Variants in TMEM217 observed in about 807,000 individuals in gnomAD.
The protein encoded by TMEM217 is chromosome 6 open reading frame 128.
For synonymous variants in TMEM217, 76 were observed against 88.3 expected (o/e 0.86, Z 0.78); for missense variants, 204 against 248.8 (o/e 0.82, Z 1.21).
chr6:37,253,412 C>G (rs879435915), intron 1 of TMEM217, among the ~76,000 whole-genome samples: 7 of 152,206 alleles, frequency 4.6e-5, no homozygotes, highest in Admixed American at 1.3e-4. Context: ...CCTTCACCCC[C>G]CAAATTCTAA....
chr6:37,223,840 A>G (rs948908015), intron 1 of TMEM217, among the ~76,000 whole-genome samples: 1 of 151,710 alleles, frequency 6.6e-6, no homozygotes, highest in African/African-American at 2.4e-5. Context: ...ATTTATAGAG[A>G]TGGAGTCTTG....
intron 1 of TMEM217, among the ~76,000 whole-genome samples, chr6:37,242,933 C>T (rs1423903931): frequency 6.6e-6 from 1 of 151,920 alleles, no homozygotes; most frequent in Non-Finnish European, 1.5e-5. Context: ...CCAGAAAACC[C>T]CTAGCAGTCT....
rs755752365 is a variant in TMEM217, at chr6:37,226,281, C to CTTTTT, written c.-11-7245_-11-7241dup. ...TTTTATTTTGTTTTTTTGAGACAGT[C>CTTTTT]TTTTTTTTTTTTTTTTTTTTTTTTT... On this transcript the variant is annotated intron_variant, in intron 1 of 1. Transcript: ENST00000357219. 3.2e-4 allele frequency among the ~76,000 whole-genome samples: 24 copies of CTTTTT among 74,876 alleles called. 4 individuals carry two copies. Among genetic ancestry groups the CTTTTT allele is most frequent in the Admixed American group, 4.7e-4 (3 of 6,378 alleles). 49.1% of individuals were successfully genotyped at this position (74,876 alleles called of 152,430 possible). A position where few individuals can be genotyped will look rare whatever the true frequency, so the allele number is the denominator to read the frequency against.
chr6:37,218,491 T>A (rs769368345), exon 2 of TMEM217: 1 of 1,614,064 alleles, frequency 6.2e-7, no homozygotes, highest in South Asian at 1.1e-5. Context: ...TTGATAATCT[T>A]TTATTTCTGC....
chr6:37,252,370 AAG>A (rs1765445286), intron 1 of TMEM217, among the ~76,000 whole-genome samples: 1 of 152,046 alleles, frequency 6.6e-6, no homozygotes, highest in Non-Finnish European at 1.5e-5. Flanking sequence ...GAATAGCTGC[AAG>A]AGAGACCATA....
At chr6:37,217,674 C>T (rs1375378251) in exon 2 of TMEM217, 2 of 985,070 alleles carry the variant, frequency 2.0e-6, no homozygotes, top group Non-Finnish European at 2.4e-6. Flanking sequence ...TTTTTCTTAT[C>T]TGGAATAAAA....
chr6:37,215,276 G>A, downstream of TMEM217: 2 of 1,613,546 alleles, frequency 1.2e-6, no homozygotes, highest in Non-Finnish European at 1.7e-6. Context: ...ATATGCTAGT[G>A]TGGAAGCTAG....
chr6:37,212,669 AG>A (rs1481503375), downstream of TMEM217: 2 of 585,166 alleles, frequency 3.4e-6, no homozygotes, highest in Middle Eastern at 2.7e-4. Flanking sequence ...ACTATGGAGA[AG>A]TTGATGAGCT....
exon 1 of TMEM217, chr6:37,258,054 GCGCCACAGAGGCCA>G: frequency 6.7e-7 from 1 of 1,498,012 alleles, no homozygotes. Flanking sequence ...CGGGCCTGGG[GCGCCACAGAGGCCA>G]GAAGACTGGT....
chr6:37,226,519 G>A (rs1399739871), intron 1 of TMEM217, among the ~76,000 whole-genome samples: 2 of 150,300 alleles, frequency 1.3e-5, no homozygotes, highest in African/African-American at 2.5e-5. Context: ...GGATGGTCTC[G>A]ATCTCCTGAC....
chr6:37,257,240 A>G (rs1765802079), intron 1 of TMEM217, among the ~76,000 whole-genome samples: 1 of 152,234 alleles, frequency 6.6e-6, no homozygotes, highest in Non-Finnish European at 1.5e-5. Flanking sequence ...TTCAATAAAC[A>G]GAGGGAGAGG....
At chr6:37,229,171 T>C (rs1764028376) in intron 1 of TMEM217, among the ~76,000 whole-genome samples, 1 of 151,880 alleles carries the variant, frequency 6.6e-6, no homozygotes, top group Admixed American at 6.6e-5. Flanking sequence ...TTTGTATTAT[T>C]TATGCATTCA....
chr6:37,220,378 A>G (rs1002584813), intron 1 of TMEM217, among the ~76,000 whole-genome samples: 7 of 152,180 alleles, frequency 4.6e-5, no homozygotes, highest in African/African-American at 1.7e-4. Flanking sequence ...AGTCTTTCCT[A>G]TATTAGTTGT....
chr6:37,245,526 G>T (rs948536437), intron 1 of TMEM217, among the ~76,000 whole-genome samples: 6 of 152,266 alleles, frequency 3.9e-5, no homozygotes, highest in Non-Finnish European at 8.8e-5. Flanking sequence ...TCACAGGAAG[G>T]TTGGGAAAAT....
chr6:37,256,744 G>A (rs1404270293), intron 1 of TMEM217, among the ~76,000 whole-genome samples: 2 of 142,260 alleles, frequency 1.4e-5, no homozygotes, highest in East Asian at 2.3e-4. Flanking sequence ...TAAATGGAGG[G>A]TGGGGGTGGG....
intron 1 of TMEM217, among the ~76,000 whole-genome samples, chr6:37,219,808 C>A (rs1763411605): frequency 1.3e-5 from 2 of 152,198 alleles, no homozygotes; most frequent in South Asian, 4.2e-4. Context: ...GTGAAAATTG[C>A]CTGTACTTGT....
intron 1 of TMEM217, among the ~76,000 whole-genome samples, chr6:37,239,537 AT>A (rs1764656536): frequency 6.6e-6 from 1 of 152,196 alleles, no homozygotes; most frequent in Non-Finnish European, 1.5e-5. Context: ...ATGAGAAAGC[AT>A]TGAAGCATAG....
At chr6:37,246,546 C>A (rs1300140451) in intron 1 of TMEM217, among the ~76,000 whole-genome samples, 3 of 152,188 alleles carry the variant, frequency 2.0e-5, no homozygotes, top group African/African-American at 7.2e-5. Context: ...TCTACTTCTA[C>A]TCTTCATCTG....
chr6:37,220,048 A>G (rs528165406), intron 1 of TMEM217, among the ~76,000 whole-genome samples: 1 of 152,336 alleles, frequency 6.6e-6, no homozygotes, highest in African/African-American at 2.4e-5. Context: ...TAAGTATTCA[A>G]CTCAAGAAGT....
Sources: gnomAD v4.1 joint callset for allele counts (sites outside exome capture counted in the v4.1 genomes callset) on GRCh38, gnomAD v4.1.1 for gene constraint, MANE v1.5 for transcripts, NCBI Gene and HGNC (gene_info 2026-07-23, HGNC 2026-07-21) for gene names.